KCTD5: variants seen among roughly 807,000 people sequenced by gnomAD.
KCTD5 encodes potassium channel tetramerization domain containing 5.
In KCTD5, 12 loss-of-function variants were observed where a neutral mutation model predicts 27.9. That is an observed-to-expected ratio of 0.43 (90% CI 0.28 to 0.70). The LOEUF (loss-of-function observed/expected upper bound fraction) is 0.70, where lower values mean the gene tolerates loss of function less well. KCTD5 is among the 30% of genes least tolerant of loss of function. The pLI is 0.19. For missense variants in KCTD5, 226 were observed against 274.8 expected, an observed-to-expected ratio of 0.82 and a Z score of 1.26; for synonymous variants, 147 against 121.4, an observed-to-expected ratio of 1.21 and a Z score of -1.39.
chr16:2,687,506 C>T (rs75370611), intron 1 of KCTD5, among the ~76,000 whole-genome samples: 1 of 152,220 alleles, frequency 6.6e-6, no homozygotes, highest in Non-Finnish European at 1.5e-5. Flanking sequence ...AGCTGGTCCA[C>T]CTGCCTGTTT....
chr16:2,702,137 A>G (rs185020163), intron 4 of KCTD5, among the ~76,000 whole-genome samples: 4 of 152,260 alleles, frequency 2.6e-5, no homozygotes, highest in Non-Finnish European at 4.4e-5. Flanking sequence ...GTCCTCACAG[A>G]GGAAGAGCTC....
chr16:2,700,536 C>T lies in KCTD5; in HGVS notation c.549+620C>T, dbSNP rs533332828. On this transcript the variant is annotated intron_variant, in intron 4 of 5. Transcript: ENST00000301738. ...GACCTCAGGACACGTGAGGCATGGC[C>T]TCTGACCGGGGGGCCCTTGCCCACG... Among the ~76,000 whole-genome samples the T allele has an allele frequency of 5.9e-5, 9 of 152,346 alleles. No individual in the cohort carries two copies. The East Asian group carries it at 1.5e-3, about 26-fold the overall frequency.
intron 1 of KCTD5, among the ~76,000 whole-genome samples, chr16:2,687,167 C>A (rs2067543284): frequency 6.6e-6 from 1 of 152,198 alleles, no homozygotes; most frequent in Non-Finnish European, 1.5e-5. Context: ...CACCTGAAGC[C>A]CTTTAGACCT....
At position 2,701,213 on chromosome 16, in the gene KCTD5, A is replaced by G. The variant is rs931100849; in HGVS notation, c.550-1140A>G. ...CTTCGACCTTAGCACTTCTGGGTGGATTCCAAACCCATTGCAAAGAACGGG... is the reference window on the plus strand; with the variant it reads ...CTTCGACCTTAGCACTTCTGGGTGGGTTCCAAACCCATTGCAAAGAACGGG... On this transcript the variant is annotated intron_variant, in intron 4 of 5. Coordinates refer to ENST00000301738, the MANE Select transcript of KCTD5 (RefSeq NM_018992.4). Among the ~76,000 whole-genome samples, 59 of 152,170 alleles carry G rather than the reference A, an allele frequency of 3.9e-4. 1 individual carries two copies. The highest frequency in any genetic ancestry group is 1.9e-4 in the Non-Finnish European group (13 of 68,028).
chr16:2,707,495 C>A lies in KCTD5; in HGVS notation c.*168C>A, dbSNP rs1159546531. The A allele has an allele frequency of 1.3e-6, 1 of 767,286 alleles. No homozygotes were observed. Among genetic ancestry groups the A allele is most frequent in the East Asian group, 2.7e-5 (1 of 37,418 alleles). 47.5% of individuals were successfully genotyped at this position (767,286 alleles called of 1,614,324 possible). ...CTGAGGTGGGTGGTGAGAGACGGGC[C>A]CAGCTGTCCAAGGCCAGACGTCCCC... On this transcript the variant is annotated 3_prime_UTR_variant, in exon 6 of 6. Coordinates refer to ENST00000301738, the MANE Select transcript of KCTD5 (RefSeq NM_018992.4).
intron 1 of KCTD5, among the ~76,000 whole-genome samples, chr16:2,687,317 CG>C (rs1567192875): frequency 6.6e-6 from 1 of 152,198 alleles, no homozygotes; most frequent in East Asian, 1.9e-4. Flanking sequence ...GAGCTTGTTT[CG>C]GGGCACCTGA....
intron 1 of KCTD5, among the ~76,000 whole-genome samples, chr16:2,684,987 G>A (rs1268129518): frequency 6.6e-6 from 1 of 152,036 alleles, no homozygotes; most frequent in Middle Eastern, 3.2e-3. Flanking sequence ...TTGAGCGAGG[G>A]GTAATTAATC....
intron 1 of KCTD5, among the ~76,000 whole-genome samples, chr16:2,691,047 A>G (rs2067564414): frequency 6.6e-6 from 1 of 152,144 alleles, no homozygotes; most frequent in Admixed American, 6.5e-5. Flanking sequence ...CATTAGGCCG[A>G]TCTGGAACAT....
chr16:2,705,846 G>A (rs989655516), intron 5 of KCTD5, among the ~76,000 whole-genome samples: 18 of 152,192 alleles, frequency 1.2e-4, no homozygotes, highest in East Asian at 1.2e-3. Flanking sequence ...TTGGGAGGGC[G>A]AAGGACAGCA....
rs778154927 is a variant in KCTD5 at position 2,707,729 on chromosome 16, G to T, written c.*402G>T. 6.2e-6 allele frequency: 3 copies of T among 483,764 alleles called. No homozygotes were observed. The highest frequency in any genetic ancestry group is 1.9e-5 in the African/African-American group (1 of 51,536). The allele number at this position is 483,764 out of a possible 1,614,324, so 30.0% of individuals were successfully genotyped here. ...GCAGGAAGCGGCCGCAGCCGCGTCA[G>T]TGTCCAGCACGTCGTGGCCTCTGGT... On this transcript the variant is annotated 3_prime_UTR_variant, in exon 6 of 6. Transcript: ENST00000301738.
rs368987044 is a variant in KCTD5, at chr16:2,707,657, G to A, written c.*330G>A. 1.3e-5 allele frequency: 8 copies of A among 592,660 alleles called. No individual in the cohort carries two copies. The highest frequency in any genetic ancestry group is 1.2e-4 in the Admixed American group (4 of 33,436). The allele number at this position is 592,660 out of a possible 1,614,324, so 36.7% of individuals were successfully genotyped here. ...ATCCTGAAGATCGTGTGAAGGAAGC[G>A]TTCTTGGTGCTACACACAGTCTGGA... On this transcript the variant is annotated 3_prime_UTR_variant, in exon 6 of 6. Transcript: ENST00000301738.
At chr16:2,697,446 C>T (rs976381580) in intron 2 of KCTD5, among the ~76,000 whole-genome samples, 5 of 152,208 alleles carry the variant, frequency 3.3e-5, no homozygotes, top group African/African-American at 9.6e-5. Context: ...TGCACAAGGC[C>T]GCAGGCCTGA....
At chr16:2,682,926 G>C in intron 1 of KCTD5, 126 bp downstream of exon 1, 1 of 1,207,472 alleles carries the variant, frequency 8.3e-7, no homozygotes. Flanking sequence ...TTCGAGCCCC[G>C]CGCTCCCTTG....
At chr16:2,700,102 G>T (rs917299538) in intron 4 of KCTD5, among the ~76,000 whole-genome samples, 186 bp downstream of exon 4, 3 of 152,200 alleles carry the variant, frequency 2.0e-5, no homozygotes, top group Admixed American at 1.3e-4. Context: ...TTCGGGTGGG[G>T]TGGGCAGAGG....
At position 2,704,401 on chromosome 16, in the gene KCTD5, C is replaced by T. The variant is rs1000134103; in HGVS notation, c.675+1923C>T. On this transcript the variant is annotated intron_variant, in intron 5 of 5. Coordinates refer to ENST00000301738, the MANE Select transcript of KCTD5 (RefSeq NM_018992.4). ...GGCAGCTGTCCCCCACTTCAGTCAG[C>T]GGCGGCGGGAGAGCCTGGGTGGTGG... Among the ~76,000 whole-genome samples the T allele has an allele frequency of 7.3e-5, 11 of 151,610 alleles. No individual in the cohort carries two copies. In the South Asian group the frequency reaches 8.3e-4, roughly 11 times the overall value.
chr16:2,708,673 CCTT>C lies in KCTD5; in HGVS notation c.*1350_*1352del, dbSNP rs1408524827. 6.6e-6 allele frequency: 1 copy of C among 152,252 alleles called. No homozygotes were observed. The highest frequency in any genetic ancestry group is 2.4e-5 in the African/African-American group (1 of 41,462). 9.4% of individuals were successfully genotyped at this position (152,252 alleles called of 1,614,324 possible). The stretch of plus-strand genomic sequence containing the variant: ...AATTCTCCAGCATTAGGACTTACCT[CCTT>C]CTTTTTGTAAGGTCTCTTGTATGTT... On this transcript the variant is annotated 3_prime_UTR_variant, in exon 6 of 6. Coordinates refer to ENST00000301738, the MANE Select transcript of KCTD5 (RefSeq NM_018992.4).
At chr16:2,699,342 T>C (rs556534677) in intron 3 of KCTD5, 11 of 403,170 alleles carry the variant, frequency 2.7e-5, no homozygotes, top group Non-Finnish European at 4.5e-5. Context: ...GATGGAGTTT[T>C]AGGAAGCAGC....
At chr16:2,702,596 C>T in intron 5 of KCTD5, 118 bp downstream of exon 5, 2 of 1,359,138 alleles carry the variant, frequency 1.5e-6, no homozygotes, top group Middle Eastern at 2.4e-4. Context: ...CCCCTGGTGG[C>T]CTTGCTGACT....
rs1263460393 is a variant in KCTD5, at chr16:2,707,304, C to T, written c.682C>T (p.Gln228Ter). 2.5e-6 allele frequency: 4 copies of T among 1,613,698 alleles called. No homozygotes were observed. The change falls in exon 6 of 6, where the codon CAA (glutamine) becomes TAA (stop). Residue 228 changes from glutamine (Q) to a stop codon, truncating the protein, a stop_gained. Transcript: ENST00000301738. LOFTEE classifies it high-confidence loss of function. Reference protein sequence around the residue: ...SEPSEKAKILQERGSRM With the variant: ...SEPSEKAKIL Reference sequence around the variant, plus strand: ...TGCATTTGGTGTTTTTCAGATTTTGCAAGAACGAGGCTCAAGGATGTGAGG... The same window carrying T: ...TGCATTTGGTGTTTTTCAGATTTTGTAAGAACGAGGCTCAAGGATGTGAGG...
Sources: allele counts gnomAD v4.1 joint callset (sites outside exome capture counted in the v4.1 genomes callset), GRCh38; gene constraint gnomAD v4.1.1; transcripts MANE v1.5; gene names NCBI Gene and HGNC (gene_info 2026-07-23, HGNC 2026-07-21).